Variants in DOCK4 observed in about 807,000 individuals in gnomAD.
The protein encoded by DOCK4 is dedicator of cytokinesis 4.
Under a neutral mutation model 268.1 loss-of-function variants are expected in DOCK4, and 97 were observed. That is an observed-to-expected ratio of 0.36 (90% CI 0.31 to 0.43). The LOEUF (loss-of-function observed/expected upper bound fraction) is 0.43. Ranked by LOEUF, DOCK4 falls within the 20% of genes least tolerant of loss-of-function variation. The pLI, the probability that DOCK4 is intolerant of heterozygous loss-of-function variation, is 1.00. For missense variants in DOCK4, 2,145 were observed against 2,455.7 expected (o/e 0.87, Z 2.67); for synonymous variants, 954 against 887.2 (o/e 1.08, Z -1.34).
At chr7:112,048,277 C>T (rs922778159) in intron 1 of DOCK4, among the ~76,000 whole-genome samples, 7 of 150,956 alleles carry the variant, frequency 4.6e-5, no homozygotes, top group African/African-American at 1.7e-4. Context: ...AAAGGCTGGA[C>T]GTGGTGGCTC....
chr7:111,945,177 G>GTTTTGTT (rs757680585), intron 9 of DOCK4, among the ~76,000 whole-genome samples: 2 of 151,984 alleles, frequency 1.3e-5, no homozygotes, highest in African/African-American at 4.8e-5. Flanking sequence ...GCAATCACTG[G>GTTTTGTT]TTTTGTTTTT....
At chr7:111,747,857 G>T (rs1222836464) in intron 42 of DOCK4, among the ~76,000 whole-genome samples, 1 of 152,036 alleles carries the variant, frequency 6.6e-6, no homozygotes, top group African/African-American at 2.4e-5. Context: ...ATATAAAGAT[G>T]CATTTATGGA....
At chr7:111,791,910 T>C (rs1000813980) in intron 30 of DOCK4, among the ~76,000 whole-genome samples, 1 of 152,108 alleles carries the variant, frequency 6.6e-6, no homozygotes, top group Non-Finnish European at 1.5e-5. Context: ...ACAACTTACA[T>C]AAAAATTTAA....
chr7:112,142,336 G>A (rs371732447), intron 1 of DOCK4, among the ~76,000 whole-genome samples: 1 of 152,100 alleles, frequency 6.6e-6, no homozygotes, highest in Admixed American at 6.6e-5. Context: ...ACTATTGTAT[G>A]TTAGGCTTGT....
intron 23 of DOCK4, among the ~76,000 whole-genome samples, chr7:111,858,571 G>A (rs1179385711): frequency 2.0e-5 from 3 of 152,110 alleles, no homozygotes; most frequent in Non-Finnish European, 1.5e-5. Flanking sequence ...TTCGAGCTAG[G>A]ACAATGGTCT....
intron 26 of DOCK4, among the ~76,000 whole-genome samples, chr7:111,830,065 G>A (rs1328441946): frequency 6.6e-6 from 1 of 152,128 alleles, no homozygotes; most frequent in Non-Finnish European, 1.5e-5. Context: ...TACAATATAG[G>A]TTCAGGAACA....
At chr7:112,126,251 C>T (rs767786697) in intron 1 of DOCK4, among the ~76,000 whole-genome samples, 3 of 152,146 alleles carry the variant, frequency 2.0e-5, no homozygotes, top group Non-Finnish European at 4.4e-5. Context: ...TGGGTGCATA[C>T]CATAATCAAG....
intron 14 of DOCK4, 60 bp from the exon 15 acceptor site, chr7:111,900,596 G>T (rs1402622693): frequency 6.5e-7 from 1 of 1,535,876 alleles, no homozygotes; most frequent in African/African-American, 1.4e-5. Flanking sequence ...TTTTGAAAAG[G>T]CAGAGCAATC....
intron 1 of DOCK4, among the ~76,000 whole-genome samples, chr7:112,052,571 C>T (rs1397471551): frequency 6.6e-6 from 1 of 152,098 alleles, no homozygotes; most frequent in East Asian, 1.9e-4. Flanking sequence ...CATGTTGGGT[C>T]AGACTTGTTT....
chr7:112,145,909 A>G (rs1410090454), intron 1 of DOCK4, among the ~76,000 whole-genome samples: 1 of 152,200 alleles, frequency 6.6e-6, no homozygotes, highest in Non-Finnish European at 1.5e-5. Context: ...ATTATTCAAT[A>G]TCATCTAACT....
intron 1 of DOCK4, among the ~76,000 whole-genome samples, chr7:112,176,508 A>T (rs1818521785): frequency 6.6e-6 from 1 of 152,186 alleles, no homozygotes; most frequent in Non-Finnish European, 1.5e-5. Flanking sequence ...ACAATATAAA[A>T]TTTTTAGTGG....
chr7:111,957,771 A>C (rs1246815326), intron 8 of DOCK4, among the ~76,000 whole-genome samples: 1 of 152,212 alleles, frequency 6.6e-6, no homozygotes, highest in Admixed American at 6.5e-5. Context: ...AAATGAATGA[A>C]CGAATGAACA....
chr7:111,972,589 C>T (rs1469755394), intron 8 of DOCK4, among the ~76,000 whole-genome samples: 1 of 151,974 alleles, frequency 6.6e-6, no homozygotes, highest in African/African-American at 2.4e-5. Context: ...CATGTTGGTC[C>T]CTCCACCTGT....
intron 1 of DOCK4, among the ~76,000 whole-genome samples, chr7:112,006,212 C>T (rs1268231406): frequency 6.6e-6 from 1 of 152,216 alleles, no homozygotes; most frequent in Non-Finnish European, 1.5e-5. Flanking sequence ...AGAATCTCCA[C>T]ATCCTCACTG....
chr7:111,884,740 G>C (rs1807693735), intron 16 of DOCK4, among the ~76,000 whole-genome samples: 3 of 152,282 alleles, frequency 2.0e-5, no homozygotes, highest in Admixed American at 1.3e-4. Context: ...GGGCAGGTGG[G>C]AGCAGATGGG....
chr7:111,810,861 G>C (rs937866442), intron 28 of DOCK4, among the ~76,000 whole-genome samples: 2 of 152,040 alleles, frequency 1.3e-5, no homozygotes, highest in Non-Finnish European at 2.9e-5. Flanking sequence ...AATTAGCCAG[G>C]CATGGTGGTG....
intron 26 of DOCK4, among the ~76,000 whole-genome samples, chr7:111,831,109 T>C (rs1485883440): frequency 6.6e-6 from 1 of 152,112 alleles, no homozygotes; most frequent in African/African-American, 2.4e-5. Context: ...TCAGGCACAA[T>C]TTACTAAACA....
At chr7:112,100,234 ACT>A (rs1384593532) in intron 1 of DOCK4, among the ~76,000 whole-genome samples, 1 of 152,202 alleles carries the variant, frequency 6.6e-6, no homozygotes, top group African/African-American at 2.4e-5. Flanking sequence ...AAATTAGGTA[ACT>A]CTAAAAAATA....
intron 31 of DOCK4, among the ~76,000 whole-genome samples, chr7:111,789,963 AGCTC>A (rs572143359): frequency 8.5e-5 from 13 of 152,210 alleles, no homozygotes; most frequent in Non-Finnish European, 1.8e-4. Context: ...AGAAATGGTA[AGCTC>A]ATTCCCTTGG....
Sources: gnomAD v4.1 joint callset for allele counts (sites outside exome capture counted in the v4.1 genomes callset) on GRCh38, gnomAD v4.1.1 for gene constraint, MANE v1.5 for transcripts, NCBI Gene and HGNC (gene_info 2026-07-23, HGNC 2026-07-21) for gene names.